KAZN: variants seen among roughly 807,000 people sequenced by gnomAD.
KAZN encodes kazrin.
A neutral mutation model predicts 87.4 loss-of-function variants in KAZN; 40 were observed. The observed-to-expected ratio is 0.46, with a 90% CI of 0.36 to 0.60. KAZN has a LOEUF of 0.60. Among genes scored for constraint, KAZN ranks in the 20% least tolerant of loss-of-function variants. KAZN has a pLI of 0.00. For synonymous variants in KAZN, 466 were observed against 458.3 expected (o/e 1.02, Z -0.22); for missense variants, 898 against 1,073.9 (o/e 0.84, Z 2.29).
chr1:14,113,329 G>T (rs1553129796), intron 1 of KAZN, among the ~76,000 whole-genome samples: 1 of 152,186 alleles, frequency 6.6e-6, no homozygotes, highest in Non-Finnish European at 1.5e-5. Context: ...GTGATGTGTG[G>T]CGAAAGGATG....
intron 1 of KAZN, among the ~76,000 whole-genome samples, chr1:14,774,092 TC>T (rs1309905601): frequency 1.3e-5 from 2 of 152,196 alleles, no homozygotes; most frequent in African/African-American, 4.8e-5. Context: ...TGCTTTCTTT[TC>T]CAGCACCGAT....
In KAZN at chr1:14,883,381, A is replaced by G. The variant is rs912699331; in HGVS notation, c.227-77303A>G. Among the ~76,000 whole-genome samples the G allele has an allele frequency of 2.3e-4, 28 of 119,712 alleles. 1 individual carries two copies. The highest frequency in any genetic ancestry group is 5.3e-4 in the East Asian group (2 of 3,808). 78.5% of individuals were successfully genotyped at this position (119,712 alleles called of 152,430 possible). On this transcript the variant is annotated intron_variant, in intron 1 of 14. Transcript: ENST00000376030. ...AAAGAAAGAAAGAAAGAAAGAAAGA[A>G]AGAAAGAAAGAAAGAAAGAAAGAAA...
chr1:14,875,930 C>T (rs1180636698), intron 1 of KAZN, among the ~76,000 whole-genome samples: 2 of 152,180 alleles, frequency 1.3e-5, no homozygotes, highest in Non-Finnish European at 2.9e-5. Context: ...CAGAGATGCT[C>T]GGGAAGATGT....
At chr1:14,142,024 G>A (rs1056635242) in intron 1 of KAZN, among the ~76,000 whole-genome samples, 2 of 151,342 alleles carry the variant, frequency 1.3e-5, no homozygotes, top group Non-Finnish European at 1.5e-5. Flanking sequence ...TGGGAAATCC[G>A]TGTAAGTTTA....
chr1:13,958,598 TA>T (rs1475995389), intron 1 of KAZN, among the ~76,000 whole-genome samples: 1 of 150,628 alleles, frequency 6.6e-6, no homozygotes, highest in Admixed American at 6.6e-5. Context: ...AATTAAAAAT[TA>T]ACATATTGGG....
chr1:14,234,377 G>C (rs1648179905), intron 2 of KAZN, among the ~76,000 whole-genome samples: 1 of 150,776 alleles, frequency 6.6e-6, no homozygotes, highest in African/African-American at 2.4e-5. Flanking sequence ...ACACAGGGAG[G>C]GGAACATCAC....
At chr1:14,984,043 T>A (rs1388925410) in intron 2 of KAZN, among the ~76,000 whole-genome samples, 2 of 152,234 alleles carry the variant, frequency 1.3e-5, no homozygotes, top group East Asian at 3.8e-4. Flanking sequence ...TTTGGAGTAG[T>A]AATTCTGAAA....
chr1:14,590,483 G>A (rs1676129689), intron 2 of KAZN, among the ~76,000 whole-genome samples: 1 of 152,118 alleles, frequency 6.6e-6, no homozygotes, highest in Non-Finnish European at 1.5e-5. Context: ...CTTAGAATTG[G>A]GCACACCTAG....
At chr1:14,403,439 T>C (rs1663582540) in intron 2 of KAZN, among the ~76,000 whole-genome samples, 1 of 152,154 alleles carries the variant, frequency 6.6e-6, no homozygotes, top group African/African-American at 2.4e-5. Context: ...TAATATTTGG[T>C]TCATTTCAAT....
intron 1 of KAZN, among the ~76,000 whole-genome samples, chr1:13,942,712 T>G (rs1640986911): frequency 6.6e-6 from 1 of 152,144 alleles, no homozygotes; most frequent in Admixed American, 6.6e-5. Context: ...GACTTGAAGT[T>G]ATTTACGCAT....
At chr1:14,122,510 A>G (rs989819010) in intron 1 of KAZN, among the ~76,000 whole-genome samples, 1 of 152,232 alleles carries the variant, frequency 6.6e-6, no homozygotes, top group African/African-American at 2.4e-5. Context: ...CCATGTGGTA[A>G]CTAGGGAAAC....
intron 8 of KAZN, among the ~76,000 whole-genome samples, chr1:15,069,262 T>A (rs1240289521): frequency 6.6e-6 from 1 of 152,112 alleles, no homozygotes; most frequent in African/African-American, 2.4e-5. Context: ...TCACTTTACA[T>A]AGCCTCAGAT....
chr1:14,970,938 T>G (rs1664961055), intron 2 of KAZN, among the ~76,000 whole-genome samples: 1 of 152,198 alleles, frequency 6.6e-6, no homozygotes, highest in African/African-American at 2.4e-5. Context: ...TGCATCACTT[T>G]GGAGTGATAA....
At chr1:14,210,476 A>G (rs1313683310) in intron 2 of KAZN, among the ~76,000 whole-genome samples, 1 of 152,196 alleles carries the variant, frequency 6.6e-6, no homozygotes, top group Non-Finnish European at 1.5e-5. Flanking sequence ...GATGCCTGCT[A>G]CAGTGGAGGT....
intron 2 of KAZN, among the ~76,000 whole-genome samples, chr1:14,371,833 G>A (rs550183538): frequency 6.6e-6 from 1 of 152,204 alleles, no homozygotes; most frequent in African/African-American, 2.4e-5. Context: ...GAGAGGCAAG[G>A]CAGGGATGCA....
chr1:14,310,858 A>G (rs1474471669), intron 2 of KAZN, among the ~76,000 whole-genome samples: 1 of 152,210 alleles, frequency 6.6e-6, no homozygotes, highest in Admixed American at 6.5e-5. Context: ...GTCACAACAG[A>G]GATACCCAAT....
In KAZN at chr1:14,372,212, T is replaced by C. The variant is rs190416868; in HGVS notation, c.249+191620T>C. On this transcript the variant is annotated intron_variant, in intron 2 of 16. Coordinates refer to the KAZN transcript ENST00000636203. Reference sequence around the variant, plus strand: ...TAAGTGGGTCAATTCAGCCAATCCCTAAGATTACATATAGCTATAGTGTGG... The same window carrying C: ...TAAGTGGGTCAATTCAGCCAATCCCCAAGATTACATATAGCTATAGTGTGG... Among the ~76,000 whole-genome samples, 262 of 152,346 alleles carry C rather than the reference T, an allele frequency of 1.7e-3. 6 individuals carry two copies. The highest frequency in any genetic ancestry group is 2.5e-3 in the Non-Finnish European group (168 of 68,036).
chr1:14,791,364 G>T (rs747968189), intron 1 of KAZN, among the ~76,000 whole-genome samples: 1 of 152,172 alleles, frequency 6.6e-6, no homozygotes, highest in Non-Finnish European at 1.5e-5. Context: ...CCCTTCTTCT[G>T]TCCTGAAATG....
chr1:14,076,355 A>T (rs1248643975), intron 1 of KAZN, among the ~76,000 whole-genome samples: 1 of 152,168 alleles, frequency 6.6e-6, no homozygotes, highest in Non-Finnish European at 1.5e-5. Flanking sequence ...GATCAGGGTG[A>T]TGTATCCACA....
Sources: allele counts gnomAD v4.1 joint callset (sites outside exome capture counted in the v4.1 genomes callset), GRCh38; gene constraint gnomAD v4.1.1; transcripts MANE v1.5; gene names NCBI Gene and HGNC (gene_info 2026-07-23, HGNC 2026-07-21).